CCDC191: variants seen among roughly 807,000 people sequenced by gnomAD.
CCDC191 encodes the protein coiled-coil domain containing 191.
Under a neutral mutation model 114.0 loss-of-function variants are expected in CCDC191, and 99 were observed. The observed-to-expected ratio is 0.87, with a 90% confidence interval of 0.74 to 1.03. CCDC191 has a LOEUF of 1.03. Ranked by LOEUF, CCDC191 falls within the 50% of genes least tolerant of loss-of-function variation. CCDC191 has a pLI of 0.00. For synonymous variants in CCDC191, 351 were observed against 376.0 expected (o/e 0.93, Z 0.77); for missense variants, 973 against 1,087.0 (o/e 0.90, Z 1.47).
chr3:114,048,527 C>T (rs986589008), intron 2 of CCDC191, among the ~76,000 whole-genome samples: 1 of 152,192 alleles, frequency 6.6e-6, no homozygotes, highest in Admixed American at 6.5e-5. Context: ...CAAATATGCT[C>T]AGTGTGTTCC....
At chr3:114,043,477 G>C (rs2076590689) in intron 3 of CCDC191, among the ~76,000 whole-genome samples, 1 of 152,198 alleles carries the variant, frequency 6.6e-6, no homozygotes, top group South Asian at 2.1e-4. Flanking sequence ...CTAGTAGGTA[G>C]AGGCCAGGGA....
At chr3:114,052,502 T>C (rs772646224) in intron 2 of CCDC191, among the ~76,000 whole-genome samples, 2 of 152,180 alleles carry the variant, frequency 1.3e-5, no homozygotes, top group African/African-American at 2.4e-5. Flanking sequence ...AGATCCACTT[T>C]AGTCGTCATC....
intron 4 of CCDC191, among the ~76,000 whole-genome samples, chr3:114,037,479 A>G (rs1427528398): frequency 1.3e-5 from 2 of 152,190 alleles, no homozygotes; most frequent in African/African-American, 4.8e-5. Flanking sequence ...GTGTGTATCA[A>G]TAGTTTATCA....
chr3:114,038,559 A>C (rs974997661), intron 4 of CCDC191, among the ~76,000 whole-genome samples: 1 of 152,202 alleles, frequency 6.6e-6, no homozygotes. Flanking sequence ...GCTATTGTGA[A>C]GAGTGTGTGC....
chr3:113,965,658 C>T (rs1046931703), intron 16 of CCDC191, among the ~76,000 whole-genome samples: 6 of 152,130 alleles, frequency 3.9e-5, no homozygotes, highest in Admixed American at 3.9e-4. Context: ...GGTGCAATCT[C>T]GGCTCACTGC....
chr3:114,030,842 T>C (rs887845787), intron 7 of CCDC191, among the ~76,000 whole-genome samples: 1 of 152,186 alleles, frequency 6.6e-6, no homozygotes, highest in African/African-American at 2.4e-5. Flanking sequence ...TTCATTCACG[T>C]ATTTATTCAA....
In CCDC191 at chr3:114,027,601, CAAAAAAAAAA is replaced by C. The variant is rs67548547; in HGVS notation, c.972+4015_972+4024del. Among the ~76,000 whole-genome samples, 7 of 60,138 alleles carry C rather than the reference CAAAAAAAAAA, an allele frequency of 1.2e-4. No individual in the cohort carries two copies. In the South Asian group the frequency reaches 1.6e-3, roughly 14 times the overall value. 39.5% of individuals were successfully genotyped at this position (60,138 alleles called of 152,430 possible). ...TGGGTGACAGGGCAAGACTCTGTCT[CAAAAAAAAAA>C]AAAAAAAAAAAGAAAAAAAAATCCA... is the stretch of plus-strand genomic sequence containing the variant. On this transcript the variant is annotated intron_variant, in intron 7 of 16. Transcript: ENST00000295878.
chr3:114,031,609 G>A lies in CCDC191; in HGVS notation c.972+17C>T. On this transcript the variant is annotated intron_variant, in intron 7 of 16. Transcript: ENST00000295878. The stretch of plus-strand genomic sequence containing the variant: ...TATACTACAGAATGCTGAGTAAAGA[G>A]ACATTGCAATTCCCACCTGTTGATT... 6.3e-7 allele frequency: 1 copy of A among 1,592,070 alleles called. No homozygotes were observed. The highest frequency in any genetic ancestry group is 1.1e-5 in the South Asian group (1 of 90,342).
chr3:113,984,183 T>C (rs1158745385), intron 13 of CCDC191: 2 of 152,132 alleles, frequency 1.3e-5, no homozygotes, highest in African/African-American at 4.8e-5. Context: ...CAAAGAAATA[T>C]ATATGATTGC....
chr3:114,023,536 C>T (rs549132385), intron 7 of CCDC191, among the ~76,000 whole-genome samples: 3 of 152,258 alleles, frequency 2.0e-5, no homozygotes, highest in East Asian at 1.9e-4. Context: ...GAACAGAGCC[C>T]TCAGAAATAA....
intron 2 of CCDC191, among the ~76,000 whole-genome samples, chr3:114,051,318 A>G (rs569464296): frequency 4.6e-5 from 7 of 152,164 alleles, no homozygotes; most frequent in African/African-American, 1.7e-4. Flanking sequence ...TTCCTTTCCT[A>G]CTCAGTGTGG....
chr3:113,968,522 C>G (rs115487679), intron 16 of CCDC191, among the ~76,000 whole-genome samples: 3,558 of 151,110 alleles, frequency 0.024, 154 homozygotes, highest in African/African-American at 0.081. Context: ...GATGTTGGTT[C>G]ACTTCTACCT....
intron 5 of CCDC191, 117 bp from the exon 6 acceptor site, chr3:114,035,265 A>T: frequency 1.5e-6 from 1 of 683,576 alleles, no homozygotes; most frequent in Non-Finnish European, 2.5e-6. Context: ...GCTGGCCCAG[A>T]ACTCCACTGT....
chr3:113,992,002 T>C (rs1026865831), intron 13 of CCDC191, among the ~76,000 whole-genome samples: 5 of 151,956 alleles, frequency 3.3e-5, no homozygotes, highest in East Asian at 1.9e-4. Context: ...AAATCAAAGA[T>C]ATAAATAGAG....
intron 16 of CCDC191, among the ~76,000 whole-genome samples, chr3:113,975,000 G>A (rs2107587450): frequency 6.6e-6 from 1 of 152,260 alleles, no homozygotes; most frequent in South Asian, 2.1e-4. Flanking sequence ...TAATAAGTAT[G>A]ATTTAAGTCA....
intron 13 of CCDC191, among the ~76,000 whole-genome samples, chr3:113,989,227 C>T (rs1226504064): frequency 2.0e-5 from 3 of 152,180 alleles, no homozygotes; most frequent in Non-Finnish European, 4.4e-5. Context: ...CTCTCAATAA[C>T]TGATAGAAGC....
At chr3:114,028,487 G>C (rs1372702665) in intron 7 of CCDC191, among the ~76,000 whole-genome samples, 1 of 151,622 alleles carries the variant, frequency 6.6e-6, no homozygotes, top group Admixed American at 6.6e-5. Flanking sequence ...GGGTTTCACC[G>C]TGTTAGCCAG....
chr3:114,014,182 T>A (rs1312392023), intron 8 of CCDC191, among the ~76,000 whole-genome samples: 1 of 152,226 alleles, frequency 6.6e-6, no homozygotes, highest in East Asian at 1.9e-4. Context: ...ACATTTGGGA[T>A]GAGCAGGTTT....
rs2076721809 is a variant in CCDC191, at chr3:114,053,333, A to C, written c.129+264T>G. On this transcript the variant is annotated intron_variant, in intron 2 of 16. Transcript: ENST00000295878. ...CAAGGCTTCTTTTCACAACTCCTTTAATCCTCTTCATGTGATACTCATGGC... is the reference window on the plus strand; with the variant it reads ...CAAGGCTTCTTTTCACAACTCCTTTCATCCTCTTCATGTGATACTCATGGC... 3.3e-5 allele frequency among the ~76,000 whole-genome samples: 5 copies of C among 152,284 alleles called. No homozygotes were observed. The South Asian group carries it at 1.0e-3, about 32-fold the overall frequency.
Sources: allele counts gnomAD v4.1 joint callset (sites outside exome capture counted in the v4.1 genomes callset), GRCh38; gene constraint gnomAD v4.1.1; transcripts MANE v1.5; gene names NCBI Gene and HGNC (gene_info 2026-07-23, HGNC 2026-07-21).